Variants in SORCS2 observed in about 807,000 individuals in gnomAD.
The protein encoded by SORCS2 is VPS10 domain-containing receptor SorCS2.
SORCS2 carries 100 observed loss-of-function variants against 141.6 expected under a neutral mutation model. That is an observed-to-expected ratio of 0.71 (90% CI 0.60 to 0.83). SORCS2 has a LOEUF of 0.83. Ranked by LOEUF, SORCS2 falls within the 40% of genes least tolerant of loss-of-function variation. The pLI is 0.00. For missense variants in SORCS2, 1,646 were observed against 1,560.2 expected, an observed-to-expected ratio of 1.05 and a Z score of -0.93; for synonymous variants, 789 against 676.9, an observed-to-expected ratio of 1.17 and a Z score of -2.57.
intron 1 of SORCS2, among the ~76,000 whole-genome samples, chr4:7,380,618 G>C (rs889237133): frequency 6.6e-6 from 1 of 152,258 alleles, no homozygotes; most frequent in African/African-American, 2.4e-5. Context: ...CCCGTGGCTA[G>C]ACTGCCTGTG....
At chr4:7,715,090 C>T (rs1726098643) in intron 16 of SORCS2, 93 bp from the exon 17 acceptor site, 1 of 1,545,884 alleles carries the variant, frequency 6.5e-7, no homozygotes, top group South Asian at 1.2e-5. Context: ...ACATGAGGTT[C>T]CCTTCTCAGC....
chr4:7,714,161 G>A, intron 15 of SORCS2, 79 bp from the exon 16 acceptor site: 1 of 1,515,002 alleles, frequency 6.6e-7, no homozygotes, highest in Non-Finnish European at 8.9e-7. Flanking sequence ...TTCAGGCTCT[G>A]GCAGCCTCAG....
chr4:7,495,997 G>C (rs1302540835), intron 2 of SORCS2, among the ~76,000 whole-genome samples: 2 of 152,224 alleles, frequency 1.3e-5, no homozygotes, highest in Admixed American at 6.5e-5. Flanking sequence ...GCCGAGGGTG[G>C]AAGGATGGGG....
intron 3 of SORCS2, among the ~76,000 whole-genome samples, chr4:7,637,439 CAG>C (rs1720336143): frequency 6.6e-6 from 1 of 152,228 alleles, no homozygotes; most frequent in Admixed American, 6.5e-5. Context: ...GTCCCTGAAA[CAG>C]AATTTTAGAC....
chr4:7,268,459 G>A lies in SORCS2; in HGVS notation c.480+75333G>A, dbSNP rs551308325. 3.8e-4 allele frequency among the ~76,000 whole-genome samples: 58 copies of A among 152,310 alleles called. 1 individual carries two copies. Among genetic ancestry groups the A allele is most frequent in the Middle Eastern group, 6.8e-3 (2 of 294 alleles). On this transcript the variant is annotated intron_variant, in intron 1 of 26. Coordinates refer to ENST00000507866, the MANE Select transcript of SORCS2 (RefSeq NM_020777.3). ...TCGTCATCCAGCATGCAATGGGGCC[G>A]TCAAACTGAAGGAAGCTGTGCCGAT...
At chr4:7,724,123 G>GAT (rs1284584882) in intron 19 of SORCS2, among the ~76,000 whole-genome samples, 10 of 139,804 alleles carry the variant, frequency 7.2e-5, no homozygotes, top group South Asian at 2.2e-4. Flanking sequence ...TGATGGTGGT[G>GAT]GTGGTGGTGG....
intron 4 of SORCS2, among the ~76,000 whole-genome samples, chr4:7,640,517 T>C (rs1267219200): frequency 2.0e-5 from 3 of 151,466 alleles, no homozygotes; most frequent in African/African-American, 4.9e-5. Flanking sequence ...AGTGTGTGAG[T>C]GTATGTGGAC....
intron 19 of SORCS2, among the ~76,000 whole-genome samples, 153 bp from the exon 20 acceptor site, chr4:7,725,001 G>T (rs1364306170): frequency 1.4e-5 from 2 of 147,580 alleles, no homozygotes; most frequent in Non-Finnish European, 3.0e-5. Context: ...TGGTAGTAGT[G>T]GTGATGGTGG....
At chr4:7,453,476 C>T (rs1432226864) in intron 2 of SORCS2, among the ~76,000 whole-genome samples, 3 of 133,444 alleles carry the variant, frequency 2.2e-5, no homozygotes, top group South Asian at 2.5e-4. Context: ...TGGGGTCAGG[C>T]TCCGTCTTGG....
intron 3 of SORCS2, among the ~76,000 whole-genome samples, chr4:7,602,282 T>C (rs1388720099): frequency 7.2e-6 from 1 of 139,270 alleles, no homozygotes; most frequent in Non-Finnish European, 1.5e-5. Context: ...CCGGACGGGG[T>C]GGCTGGCCGG....
chr4:7,600,729 G>A (rs185379312), intron 3 of SORCS2, among the ~76,000 whole-genome samples: 33 of 150,964 alleles, frequency 2.2e-4, no homozygotes, highest in African/African-American at 7.5e-4. Flanking sequence ...TGTATTTCTT[G>A]TAAATCAAAT....
At chr4:7,504,675 T>G (rs1732171212) in intron 2 of SORCS2, among the ~76,000 whole-genome samples, 1 of 152,202 alleles carries the variant, frequency 6.6e-6, no homozygotes, top group South Asian at 2.1e-4. Flanking sequence ...CTGAGCTTGT[T>G]AAATGCTATA....
At chr4:7,312,296 TCA>T (rs944870394) in intron 1 of SORCS2, among the ~76,000 whole-genome samples, 3 of 152,228 alleles carry the variant, frequency 2.0e-5, no homozygotes, top group African/African-American at 7.2e-5. Flanking sequence ...AGAAAGCTTC[TCA>T]CACTCAAGCA....
intron 1 of SORCS2, among the ~76,000 whole-genome samples, chr4:7,257,242 C>T (rs777843096): frequency 3.9e-5 from 6 of 152,086 alleles, no homozygotes; most frequent in East Asian, 1.9e-4. Flanking sequence ...GACGGATCGG[C>T]GGTGAGGTGA....
At chr4:7,578,999 A>G (rs1715957323) in intron 3 of SORCS2, among the ~76,000 whole-genome samples, 1 of 152,160 alleles carries the variant, frequency 6.6e-6, no homozygotes, top group Non-Finnish European at 1.5e-5. Flanking sequence ...AAGTCTGTGC[A>G]TCTCACAGAC....
intron 1 of SORCS2, among the ~76,000 whole-genome samples, chr4:7,238,213 AT>A (rs1712421592): frequency 2.0e-5 from 3 of 152,196 alleles, no homozygotes; most frequent in Admixed American, 2.0e-4. Context: ...GATTTTATTA[AT>A]TTTGGATGCT....
rs1560256730 is a variant in SORCS2, at chr4:7,403,982, TA to T, written c.548+7628del. ...GTGTGTATATATATATATATATATA[TA>T]TATATATATATATATTTTTTTTTTT... On this transcript the variant is annotated intron_variant, in intron 2 of 26. Coordinates refer to ENST00000507866, the MANE Select transcript of SORCS2 (RefSeq NM_020777.3). Among the ~76,000 whole-genome samples the T allele has an allele frequency of 1.7e-3, 34 of 19,794 alleles. 1 individual carries two copies. The highest frequency in any genetic ancestry group is 8.7e-3 in the South Asian group (9 of 1,040). 13.0% of individuals were successfully genotyped at this position (19,794 alleles called of 152,430 possible). A position where few individuals can be genotyped will look rare whatever the true frequency, so the allele number is the denominator to read the frequency against.
intron 7 of SORCS2, among the ~76,000 whole-genome samples, chr4:7,666,880 T>C (rs1159481660): frequency 6.6e-6 from 1 of 152,076 alleles, no homozygotes; most frequent in Non-Finnish European, 1.5e-5. Context: ...AGCAAGGTGC[T>C]GAGAGAGCAT....
intron 1 of SORCS2, among the ~76,000 whole-genome samples, chr4:7,350,674 C>A (rs749277529): frequency 2.0e-5 from 3 of 152,218 alleles, no homozygotes; most frequent in African/African-American, 7.2e-5. Context: ...TGACCAGGCC[C>A]GTGGGAGGCC....
Sources: allele counts gnomAD v4.1 joint callset (sites outside exome capture counted in the v4.1 genomes callset), GRCh38; gene constraint gnomAD v4.1.1; transcripts MANE v1.5; gene names NCBI Gene and HGNC (gene_info 2026-07-23, HGNC 2026-07-21).